The following GRIK4 variants were observed in gnomAD, a reference collection of about 807,000 sequenced individuals.
GRIK4 encodes the protein glutamate ionotropic receptor kainate type subunit 4, also known as glutamate receptor ionotropic, kainate 4.
A neutral mutation model predicts 104.9 loss-of-function variants in GRIK4; 40 were observed. The ratio of observed to expected loss-of-function variants is 0.38; its 90% CI spans 0.30 to 0.50. The LOEUF (loss-of-function observed/expected upper bound fraction) is 0.50. Among genes scored for constraint, GRIK4 ranks in the 20% least tolerant of loss-of-function variants. The pLI is 0.93. For synonymous variants in GRIK4, 485 were observed against 524.9 expected (o/e 0.92, Z 1.04); for missense variants, 1,047 against 1,308.1 (o/e 0.80, Z 3.08).
chr11:120,884,118 A>G (rs1316159745), intron 11 of GRIK4, among the ~76,000 whole-genome samples: 2 of 152,218 alleles, frequency 1.3e-5, no homozygotes, highest in African/African-American at 4.8e-5. Flanking sequence ...GGCTCAGGGA[A>G]GAGTCCCAGC....
At chr11:120,960,402 T>C (rs1944262938) in intron 16 of GRIK4, among the ~76,000 whole-genome samples, 1 of 152,240 alleles carries the variant, frequency 6.6e-6, no homozygotes, top group Non-Finnish European at 1.5e-5. Context: ...TTTCCTCACC[T>C]GTAAAATTGG....
chr11:120,667,613 G>C (rs1949938767), intron 3 of GRIK4, among the ~76,000 whole-genome samples: 4 of 152,256 alleles, frequency 2.6e-5, no homozygotes, highest in Admixed American at 2.0e-4. Context: ...CGGCTCGGTG[G>C]GTAGTGTGGG....
At chr11:120,742,426 A>G (rs968298112) in intron 3 of GRIK4, among the ~76,000 whole-genome samples, 1 of 152,044 alleles carries the variant, frequency 6.6e-6, no homozygotes, top group African/African-American at 2.4e-5. Context: ...CATATGAAAA[A>G]AAAAGCTCAA....
intron 8 of GRIK4, among the ~76,000 whole-genome samples, chr11:120,852,244 G>GA (rs1399147165): frequency 1.3e-5 from 2 of 152,216 alleles, no homozygotes; most frequent in Non-Finnish European, 2.9e-5. Context: ...CTGCTGAGGA[G>GA]GTAAGAGGGC....
chr11:120,512,373 C>A (rs890670790), intron 1 of GRIK4, among the ~76,000 whole-genome samples: 2 of 151,862 alleles, frequency 1.3e-5, no homozygotes, highest in African/African-American at 4.8e-5. Context: ...TGCAGCCCCC[C>A]ATCCCGGCTC....
chr11:120,769,537 C>G (rs1336654712), intron 3 of GRIK4, among the ~76,000 whole-genome samples: 3 of 151,892 alleles, frequency 2.0e-5, no homozygotes, highest in African/African-American at 7.3e-5. Flanking sequence ...TTGACTTTTT[C>G]CCAAAACATT....
intron 1 of GRIK4, among the ~76,000 whole-genome samples, chr11:120,624,789 C>T (rs1426656382): frequency 6.6e-6 from 1 of 152,146 alleles, no homozygotes; most frequent in Non-Finnish European, 1.5e-5. Context: ...TGCCCTTCAG[C>T]TTCTCTCCCT....
chr11:120,726,474 A>G (rs1951029469), intron 3 of GRIK4, among the ~76,000 whole-genome samples: 2 of 152,182 alleles, frequency 1.3e-5, no homozygotes, highest in African/African-American at 2.4e-5. Context: ...ATTGAATTAG[A>G]GATGTATTTT....
At chr11:120,720,444 G>A (rs1310643540) in intron 3 of GRIK4, among the ~76,000 whole-genome samples, 1 of 152,222 alleles carries the variant, frequency 6.6e-6, no homozygotes, top group Non-Finnish European at 1.5e-5. Context: ...CACCTTTGGG[G>A]TGGGGATAAG....
chr11:120,575,678 G>T (rs1272026290), intron 1 of GRIK4: 3 of 152,138 alleles, frequency 2.0e-5, no homozygotes, highest in Admixed American at 2.0e-4. Flanking sequence ...GAAACCACAG[G>T]TCACTCTGAC....
At chr11:120,614,499 C>T (rs755476771) in intron 1 of GRIK4, among the ~76,000 whole-genome samples, 7 of 152,086 alleles carry the variant, frequency 4.6e-5, no homozygotes, top group African/African-American at 7.2e-5. Flanking sequence ...CCCGGATCAG[C>T]GAGTGTGAGA....
chr11:120,871,317 A>G (rs1592014030), intron 9 of GRIK4: 1 of 281,246 alleles, frequency 3.6e-6, no homozygotes, highest in East Asian at 8.3e-5. Context: ...ACATGTGCTC[A>G]GGGGAAAGCG....
chr11:120,613,539 C>T (rs968604642), intron 1 of GRIK4, among the ~76,000 whole-genome samples: 2 of 152,204 alleles, frequency 1.3e-5, no homozygotes, highest in African/African-American at 2.4e-5. Flanking sequence ...GGGCAGCACA[C>T]GGAGTGTGCA....
At chr11:120,875,507 G>A (rs1592021295) in intron 11 of GRIK4, among the ~76,000 whole-genome samples, 1 of 152,304 alleles carries the variant, frequency 6.6e-6, no homozygotes, top group East Asian at 1.9e-4. Context: ...TGTAAGGGGG[G>A]GAATTCCCAG....
chr11:120,666,317 C>T (rs1272290555), intron 3 of GRIK4, among the ~76,000 whole-genome samples: 3 of 152,182 alleles, frequency 2.0e-5, no homozygotes, highest in Non-Finnish European at 4.4e-5. Flanking sequence ...AGAGTGGTCA[C>T]ATCAAAGGGG....
In GRIK4 at chr11:120,754,119, T is replaced by C. The variant is rs193295861; in HGVS notation, c.83-48574T>C. Among the ~76,000 whole-genome samples the C allele has an allele frequency of 3.3e-3, 495 of 152,244 alleles. 3 individuals are homozygous for C. The highest frequency in any genetic ancestry group is 0.011 in the African/African-American group (470 of 41,550). ...TGACTTGACTCATTGCAACCTCCAC[T>C]TCCCGAGTTCAAGTGATTCTCCTGC... On this transcript the variant is annotated intron_variant, in intron 3 of 20. Transcript: ENST00000527524.
intron 9 of GRIK4, among the ~76,000 whole-genome samples, chr11:120,865,378 C>T (rs11218035): frequency 0.2 from 30,995 of 152,164 alleles, 3,210 homozygotes; most frequent in South Asian, 0.22. Flanking sequence ...ATGTAGCCCG[C>T]GGACCTGTGG....
intron 3 of GRIK4, among the ~76,000 whole-genome samples, chr11:120,787,448 T>C (rs539712989): frequency 6.6e-6 from 1 of 151,664 alleles, no homozygotes; most frequent in East Asian, 1.9e-4. Flanking sequence ...TTTTATTTTA[T>C]TTTATTTATT....
At chr11:120,733,820 C>T (rs780144125) in intron 3 of GRIK4, among the ~76,000 whole-genome samples, 23 of 151,786 alleles carry the variant, frequency 1.5e-4, no homozygotes, top group Admixed American at 3.3e-4. Context: ...TCACTGCAAC[C>T]TCCACCTCCC....
Sources: allele counts gnomAD v4.1 joint callset (sites outside exome capture counted in the v4.1 genomes callset), GRCh38; gene constraint gnomAD v4.1.1; transcripts MANE v1.5; gene names NCBI Gene and HGNC (gene_info 2026-07-23, HGNC 2026-07-21).